RBMS3: variants seen among roughly 807,000 people sequenced by gnomAD.
The protein encoded by RBMS3 is RNA-binding motif, single-stranded-interacting protein 3.
In RBMS3, 27 loss-of-function variants were observed where a neutral mutation model predicts 66.8. The ratio of observed to expected loss-of-function variants is 0.40; its 90% CI spans 0.30 to 0.56. The LOEUF is 0.56. Among genes scored for constraint, RBMS3 ranks in the 20% least tolerant of loss-of-function variants. The pLI, the probability that RBMS3 is intolerant of heterozygous loss-of-function variation, is 0.40. For missense variants in RBMS3, 513 were observed against 549.5 expected, an observed-to-expected ratio of 0.93 and a Z score of 0.66; for synonymous variants, 188 against 183.0, an observed-to-expected ratio of 1.03 and a Z score of -0.22.
intron 4 of RBMS3, among the ~76,000 whole-genome samples, chr3:29,689,801 C>A (rs2051894510): frequency 6.7e-6 from 1 of 150,356 alleles, no homozygotes; most frequent in African/African-American, 2.4e-5. Context: ...GAGGTATGGC[C>A]AGGAGCAGTG....
intron 1 of RBMS3, among the ~76,000 whole-genome samples, chr3:29,321,166 T>G (rs2034987847): frequency 1.3e-5 from 2 of 152,100 alleles, no homozygotes; most frequent in Admixed American, 1.3e-4. Context: ...TTACCTTGCT[T>G]TAAGTGTTTT....
chr3:29,804,345 T>C (rs6549956), intron 6 of RBMS3, among the ~76,000 whole-genome samples: 78,793 of 151,784 alleles, frequency 0.52, 20,911 homozygotes, highest in African/African-American at 0.58. Context: ...AATCACAAAA[T>C]AGGCCCAAAT....
At chr3:29,402,206 T>C (rs527253420) in intron 1 of RBMS3, among the ~76,000 whole-genome samples, 8 of 152,164 alleles carry the variant, frequency 5.3e-5, no homozygotes, top group Admixed American at 1.3e-4. Flanking sequence ...GCCTTCAAAT[T>C]GTAAGAGGCT....
At chr3:29,315,649 G>A (rs7349464) in intron 1 of RBMS3, among the ~76,000 whole-genome samples, 17,313 of 151,688 alleles carry the variant, frequency 0.11, 1,100 homozygotes, top group Middle Eastern at 0.16. Flanking sequence ...CTAGAGTCAC[G>A]ATGTACTGTT....
chr3:29,840,352 T>G (rs1257585367), intron 6 of RBMS3, among the ~76,000 whole-genome samples: 1 of 152,048 alleles, frequency 6.6e-6, no homozygotes, highest in Non-Finnish European at 1.5e-5. Flanking sequence ...AAACAACATT[T>G]TATTAAAAAC....
In RBMS3 at chr3:29,655,426, G is replaced by A. The variant is rs116921055; in HGVS notation, c.399+68221G>A. Among the ~76,000 whole-genome samples, 1,083 of 152,266 alleles carry A rather than the reference G, an allele frequency of 7.1e-3. 27 individuals are homozygous for A. The highest frequency in any genetic ancestry group is 0.058 in the Admixed American group (882 of 15,290). ...CTTTAGTCATGCACCACATAAAGAT[G>A]TTTCGGTTAAGGACAAGTTACATAT... On this transcript the variant is annotated intron_variant, in intron 4 of 14. Transcript: ENST00000383767.
At chr3:29,696,809 C>A (rs913475041) in intron 4 of RBMS3, among the ~76,000 whole-genome samples, 2 of 152,096 alleles carry the variant, frequency 1.3e-5, no homozygotes, top group Non-Finnish European at 2.9e-5. Flanking sequence ...CAGGTCAATA[C>A]CCTAGGGCAA....
At chr3:29,928,193 T>TAC (rs2060994979) in intron 10 of RBMS3, among the ~76,000 whole-genome samples, 1 of 96,870 alleles carries the variant, frequency 1.0e-5, no homozygotes, top group Non-Finnish European at 2.3e-5. Flanking sequence ...TATATATATA[T>TAC]ATATATATAT....
intron 3 of RBMS3, among the ~76,000 whole-genome samples, chr3:29,535,897 A>G (rs1290011264): frequency 3.3e-5 from 5 of 151,812 alleles, no homozygotes; most frequent in Admixed American, 2.0e-4. Flanking sequence ...TTTATGGTCT[A>G]TTCAGAGTCT....
In RBMS3 at chr3:29,698,157, G is replaced by T. The variant is rs1197212656; in HGVS notation, c.400-41563G>T. The T allele has an allele frequency of 1.2e-5, 11 of 952,820 alleles. No individual in the cohort carries two copies. The African/African-American group carries it at 1.8e-4, about 15-fold the overall frequency. The allele number at this position is 952,820 out of a possible 1,614,324, so 59.0% of individuals were successfully genotyped here. A position where few individuals can be genotyped will look rare whatever the true frequency, so the allele number is the denominator to read the frequency against. On this transcript the variant is annotated intron_variant, in intron 4 of 14. Transcript: ENST00000383767. Reference sequence around the variant, plus strand: ...GTGCCTACATTCCAGTGAAATTAATGCTCCTTCTTCAGACTACTGTTATTC... The same window carrying T: ...GTGCCTACATTCCAGTGAAATTAATTCTCCTTCTTCAGACTACTGTTATTC...
At chr3:29,688,196 C>T (rs1036477760) in intron 4 of RBMS3, among the ~76,000 whole-genome samples, 1 of 152,196 alleles carries the variant, frequency 6.6e-6, no homozygotes, top group African/African-American at 2.4e-5. Context: ...TATTCTTAGC[C>T]AGTACCACAT....
At chr3:29,542,387 G>A (rs575514119) in intron 3 of RBMS3, among the ~76,000 whole-genome samples, 1 of 152,126 alleles carries the variant, frequency 6.6e-6, no homozygotes, top group South Asian at 2.1e-4. Context: ...TTGAGAAAGA[G>A]TCTCACCCAG....
chr3:29,695,937 C>T (rs761874837), intron 4 of RBMS3, among the ~76,000 whole-genome samples: 7 of 152,196 alleles, frequency 4.6e-5, no homozygotes, highest in Admixed American at 2.0e-4. Flanking sequence ...TCAAATTGAG[C>T]AGTGAGATGG....
intron 6 of RBMS3, among the ~76,000 whole-genome samples, chr3:29,795,064 T>G (rs1041682181): frequency 1.3e-5 from 2 of 152,224 alleles, no homozygotes; most frequent in African/African-American, 4.8e-5. Context: ...AGGCGTCATG[T>G]GTGTTATCAT....
intron 1 of RBMS3, among the ~76,000 whole-genome samples, chr3:29,370,202 A>G (rs2038126941): frequency 6.6e-6 from 1 of 152,186 alleles, no homozygotes; most frequent in African/African-American, 2.4e-5. Context: ...TCTTAAGAGA[A>G]CAAGTGAACT....
At chr3:29,658,813 TTTTG>T (rs906214724) in intron 4 of RBMS3, among the ~76,000 whole-genome samples, 1 of 152,240 alleles carries the variant, frequency 6.6e-6, no homozygotes, top group African/African-American at 2.4e-5. Context: ...ATTTGCTGTT[TTTTG>T]TTTGTTTGCT....
chr3:29,636,369 T>C (rs2049473789), intron 4 of RBMS3, among the ~76,000 whole-genome samples: 1 of 151,816 alleles, frequency 6.6e-6, no homozygotes, highest in Admixed American at 6.6e-5. Context: ...TCCTTTGAAG[T>C]TAATGATAGT....
At chr3:29,583,865 C>T (rs2047417269) in intron 3 of RBMS3, among the ~76,000 whole-genome samples, 3 of 151,956 alleles carry the variant, frequency 2.0e-5, no homozygotes, top group African/African-American at 7.3e-5. Flanking sequence ...CAGTTTCCTA[C>T]CCTAGCTTCA....
chr3:29,311,473 G>A (rs912782051), intron 1 of RBMS3, among the ~76,000 whole-genome samples: 14 of 151,762 alleles, frequency 9.2e-5, no homozygotes, highest in Non-Finnish European at 1.5e-5. Context: ...TTCTAAGTTT[G>A]TGTCTCACAC....
Sources: gnomAD v4.1 joint callset for allele counts (sites outside exome capture counted in the v4.1 genomes callset) on GRCh38, gnomAD v4.1.1 for gene constraint, MANE v1.5 for transcripts, NCBI Gene and HGNC (gene_info 2026-07-23, HGNC 2026-07-21) for gene names.